Variants in CFAP91 observed in about 807,000 individuals in gnomAD.
CFAP91 encodes cilia and flagella associated protein 91, also known as cilia- and flagella-associated protein 91.
Under a neutral mutation model 95.9 loss-of-function variants are expected in CFAP91, and 85 were observed. The observed-to-expected ratio is 0.89, with a 90% CI of 0.74 to 1.06. The LOEUF (loss-of-function observed/expected upper bound fraction) is 1.06. Ranked by LOEUF, CFAP91 falls within the 50% of genes least tolerant of loss-of-function variation. The pLI is 0.00. For missense variants in CFAP91, 962 were observed against 943.4 expected (o/e 1.02, Z -0.26); for synonymous variants, 335 against 327.5 (o/e 1.02, Z -0.25).
chr3:119,732,423 A>T lies in CFAP91; in HGVS notation c.1148A>T (p.Asp383Val). ...GPLSRLGCFP[D>V]NNSEDFVVKN... ...CTGTCTCGTCTTGGGTGTTTCCCAG[A>T]CAACAACTCAGAGGACTTTGTAGTA... The change falls in exon 9 of 18, where the codon GAC (aspartate) becomes GTC (valine). Residue 383 changes from aspartate to valine, a missense_variant. Transcript: ENST00000273390. The T allele has an allele frequency of 6.2e-7, 1 of 1,612,330 alleles. No individual in the cohort carries two copies. The highest frequency in any genetic ancestry group is 8.5e-7 in the Non-Finnish European group (1 of 1,179,468).
At chr3:119,725,618 G>A (rs2053767932) in intron 6 of CFAP91, among the ~76,000 whole-genome samples, 1 of 152,082 alleles carries the variant, frequency 6.6e-6, no homozygotes, top group South Asian at 2.1e-4. Context: ...TTAGCCAGGT[G>A]TGGTGGCACA....
At chr3:119,733,257 C>A in intron 9 of CFAP91, 107 bp from the exon 10 acceptor site, 1 of 1,159,614 alleles carries the variant, frequency 8.6e-7, no homozygotes, top group Non-Finnish European at 1.2e-6. Context: ...ACCCTCTCAA[C>A]AATTCTAATG....
At chr3:119,705,915 G>A (rs1369445143) in intron 1 of CFAP91, 1 of 152,102 alleles carries the variant, frequency 6.6e-6, no homozygotes, top group Non-Finnish European at 1.5e-5. Flanking sequence ...GTATTTGTTG[G>A]GTTACTAATG....
chr3:119,733,736 C>T (rs946380852), intron 10 of CFAP91, among the ~76,000 whole-genome samples: 28 of 152,144 alleles, frequency 1.8e-4, no homozygotes, highest in Non-Finnish European at 3.4e-4. Context: ...GGTCATATTA[C>T]TTTCTGAAAG....
intron 12 of CFAP91, among the ~76,000 whole-genome samples, chr3:119,739,596 C>T (rs1377871656): frequency 1.4e-5 from 2 of 142,886 alleles, no homozygotes; most frequent in Non-Finnish European, 3.1e-5. Flanking sequence ...ATGAAACTCA[C>T]TTCTTCCTTG....
intron 7 of CFAP91, among the ~76,000 whole-genome samples, chr3:119,727,931 C>T (rs755954830): frequency 4.6e-4 from 70 of 151,846 alleles, no homozygotes; most frequent in African/African-American, 5.1e-4. Context: ...TTTTTTGCAC[C>T]GTCTCCTTGC....
At chr3:119,732,894 A>T (rs1577223061) in intron 9 of CFAP91, among the ~76,000 whole-genome samples, 2 of 152,236 alleles carry the variant, frequency 1.3e-5, no homozygotes, top group South Asian at 4.1e-4. Context: ...ACCTCTTATG[A>T]AGTTCAAAAG....
chr3:119,720,531 A>C (rs982755877), intron 6 of CFAP91, among the ~76,000 whole-genome samples: 1 of 151,910 alleles, frequency 6.6e-6, no homozygotes, highest in Non-Finnish European at 1.5e-5. Context: ...TGGTAAAAAG[A>C]AAAAAAAATT....
chr3:119,739,384 T>G (rs756340826), intron 12 of CFAP91, 58 bp downstream of exon 12: 81 of 1,486,672 alleles, frequency 5.4e-5, no homozygotes, highest in Middle Eastern at 5.2e-4. Context: ...TTTTTTAGAA[T>G]GCATATGTGC....
In CFAP91 at chr3:119,751,052, T is replaced by G; in HGVS notation, c.2259T>G (p.Ala753=). ...TEGEQDEASN[A]AMLLEKETQN... is the part of the protein sequence containing the mutation. ...GAGAGCAAGATGAGGCCTCAAATGCTGCCATGTTACTTGAGAAAGAAACTC... is the reference window on the plus strand; with the variant it reads ...GAGAGCAAGATGAGGCCTCAAATGCGGCCATGTTACTTGAGAAAGAAACTC... Residue 753 remains alanine (A), a synonymous_variant, in exon 17 of 18, where the codon GCT becomes GCG. Transcript: ENST00000273390. 6.2e-7 allele frequency: 1 copy of G among 1,611,892 alleles called. No individual in the cohort carries two copies. Among genetic ancestry groups the G allele is most frequent in the Non-Finnish European group, 8.5e-7 (1 of 1,179,236 alleles).
intron 17 of CFAP91, among the ~76,000 whole-genome samples, chr3:119,753,865 G>T (rs1039027221): frequency 6.6e-6 from 1 of 152,172 alleles, no homozygotes; most frequent in African/African-American, 2.4e-5. Context: ...TTATGCCTTT[G>T]TGATTAGACA....
chr3:119,741,504 T>A (rs1242985930), intron 13 of CFAP91, among the ~76,000 whole-genome samples: 1 of 152,230 alleles, frequency 6.6e-6, no homozygotes, highest in Non-Finnish European at 1.5e-5. Context: ...CCCAGCTGTG[T>A]GCCGCCTGAC....
At chr3:119,709,949 A>G (rs1446077081) in intron 5 of CFAP91, 54 bp downstream of exon 5, 3 of 1,373,510 alleles carry the variant, frequency 2.2e-6, no homozygotes, top group Admixed American at 1.8e-5. Context: ...GTTTGCTTCC[A>G]TATTTTTTCT....
In CFAP91 at chr3:119,740,605, C is replaced by T. The variant is rs148319099; in HGVS notation, c.1590C>T (p.His530=). ...TGATCCAGGAGTTGCGCACCTGCCA[C>T]GCACTACAAGAAGATGAAAAGCTGG... is the stretch of plus-strand genomic sequence containing the variant. The part of the protein sequence containing the change: ...LELIQELRTC[H]ALQEDEKLVK... The change falls in exon 13 of 18, where the codon CAC becomes CAT. Residue 530 remains histidine (H), a synonymous_variant. Transcript: ENST00000273390. 1.1e-4 allele frequency: 177 copies of T among 1,613,992 alleles called. No individual in the cohort carries two copies. Among genetic ancestry groups the T allele is most frequent in the Non-Finnish European group, 1.4e-4 (164 of 1,180,016 alleles).
At chr3:119,756,653 G>A (rs2054436546) in intron 17 of CFAP91, among the ~76,000 whole-genome samples, 1 of 152,166 alleles carries the variant, frequency 6.6e-6, no homozygotes, top group African/African-American at 2.4e-5. Flanking sequence ...CACTTGCATT[G>A]TTTAGGAGGA....
At chr3:119,718,053 C>T (rs2053612314) in intron 6 of CFAP91, among the ~76,000 whole-genome samples, 1 of 152,126 alleles carries the variant, frequency 6.6e-6, no homozygotes, top group Non-Finnish European at 1.5e-5. Context: ...GACCAGGGTG[C>T]TTATGAGAGA....
At position 119,740,592 on chromosome 3, in the gene CFAP91, T is replaced by G; in HGVS notation, c.1577T>G (p.Leu526Trp). The G allele has an allele frequency of 4.3e-6, 7 of 1,614,114 alleles. No individual in the cohort carries two copies. Among genetic ancestry groups the G allele is most frequent in the Non-Finnish European group, 5.9e-6 (7 of 1,180,014 alleles). The stretch of plus-strand genomic sequence containing the variant: ...AAGCGACTGGAGTTGATCCAGGAGT[T>G]GCGCACCTGCCACGCACTACAAGAA... ...KEKRLELIQELRTCHALQEDE... is the reference protein window; with the variant it reads ...KEKRLELIQEWRTCHALQEDE... Residue 526 changes from leucine (L) to tryptophan (W), a missense_variant, in exon 13 of 18, where the codon TTG becomes TGG. Physicochemically the swap from Leu to Trp is moderately conservative, Grantham distance 61. Coordinates refer to ENST00000273390, the MANE Select transcript of CFAP91 (RefSeq NM_033364.4).
At chr3:119,747,061 G>A in intron 14 of CFAP91, 54 bp from the exon 15 acceptor site, 3 of 1,358,034 alleles carry the variant, frequency 2.2e-6, no homozygotes, top group Non-Finnish European at 3.0e-6. Context: ...TATTTTTCTT[G>A]TGTTGTTTAC....
intron 5 of CFAP91, chr3:119,713,027 A>G (rs2053501567): frequency 1.3e-5 from 2 of 151,798 alleles, no homozygotes; most frequent in Non-Finnish European, 2.9e-5. Context: ...GAACTTCCAA[A>G]CAGGTATTTC....
Sources: gnomAD v4.1 joint callset for allele counts (sites outside exome capture counted in the v4.1 genomes callset) on GRCh38, gnomAD v4.1.1 for gene constraint, MANE v1.5 for transcripts, NCBI Gene and HGNC (gene_info 2026-07-23, HGNC 2026-07-21) for gene names.